MAP2K5: variants seen among roughly 807,000 people sequenced by gnomAD.
MAP2K5 encodes dual specificity mitogen-activated protein kinase kinase 5.
In MAP2K5, 49 loss-of-function variants were observed where a neutral mutation model predicts 83.1. The ratio of observed to expected loss-of-function variants is 0.59; its 90% CI spans 0.47 to 0.75. The LOEUF is 0.75. Among genes scored for constraint, MAP2K5 ranks in the 30% least tolerant of loss-of-function variants. The pLI, the probability that MAP2K5 is intolerant of heterozygous loss-of-function variation, is 0.00. For synonymous variants in MAP2K5, 202 were observed against 191.8 expected (o/e 1.05, Z -0.44); for missense variants, 457 against 557.5 (o/e 0.82, Z 1.82).
intron 1 of MAP2K5, chr15:67,546,338 A>C (rs561722107): frequency 1.3e-5 from 2 of 152,464 alleles, no homozygotes; most frequent in African/African-American, 4.8e-5. Context: ...CACAGGGGGA[A>C]AATACCTTGC....
Position 67,790,487 on chromosome 15 carries a change from G to A in MAP2K5, c.1243-16159G>A, listed in dbSNP as rs2241421. Among the ~76,000 whole-genome samples the A allele has an allele frequency of 0.39, 58,913 of 151,752 alleles. 12,204 individuals are homozygous for A. The highest frequency in any genetic ancestry group is 0.7 in the East Asian group (3,579 of 5,132). On this transcript the variant is annotated intron_variant, in intron 21 of 21. Coordinates refer to ENST00000178640, the MANE Select transcript of MAP2K5 (RefSeq NM_145160.3). This position sits in a 1 kb window ranked among gnomAD's most constrained non-coding sequence, Gnocchi z 4.6. ...GTCTGAGGGCACTGCCGTCTTGTCT[G>A]TAGGCTGTGCACAAGTGCAACAGTT...
At chr15:67,600,664 T>TTTTC in intron 7 of MAP2K5, 21 bp from the exon 8 acceptor site, 1 of 1,603,916 alleles carries the variant, frequency 6.2e-7, no homozygotes, top group Non-Finnish European at 8.5e-7. Flanking sequence ...CCCTTTTTGT[T>TTTTC]TTTCTTTCTT....
Position 67,563,457 on chromosome 15 carries a change from T to C in MAP2K5, c.252+107T>C, listed in dbSNP as rs2084779168. 7.2e-7 allele frequency: 1 copy of C among 1,386,356 alleles called. No homozygotes were observed. Among genetic ancestry groups the C allele is most frequent in the Non-Finnish European group, 9.7e-7 (1 of 1,035,612 alleles). 85.9% of individuals were successfully genotyped at this position (1,386,356 alleles called of 1,614,324 possible). A position where few individuals can be genotyped will look rare whatever the true frequency, so the allele number is the denominator to read the frequency against. ...GTAAATAAATCACAGTTGTCATACATTTTTCTATATAATAGGTAAAGGTTT... is the reference window on the plus strand; with the variant it reads ...GTAAATAAATCACAGTTGTCATACACTTTTCTATATAATAGGTAAAGGTTT... On this transcript the variant is annotated intron_variant, in intron 3 of 21. Transcript: ENST00000178640. This position sits in a 1 kb window ranked among gnomAD's most constrained non-coding sequence, Gnocchi z 4.5.
In MAP2K5 at chr15:67,577,126, G is replaced by T. The variant is rs932336863; in HGVS notation, c.253-3628G>T. 6.6e-6 allele frequency among the ~76,000 whole-genome samples: 1 copy of T among 151,250 alleles called. No individual in the cohort carries two copies. Reference sequence around the variant, plus strand: ...AATTTTTTGTATTTTTAGTAGAGACGGGGTTTCACCTTGTTAGCCGGGATG... The same window carrying T: ...AATTTTTTGTATTTTTAGTAGAGACTGGGTTTCACCTTGTTAGCCGGGATG... On this transcript the variant is annotated intron_variant, in intron 3 of 21. Coordinates refer to ENST00000178640, the MANE Select transcript of MAP2K5 (RefSeq NM_145160.3). The surrounding 1 kb of genome is among the most constrained non-coding windows in gnomAD (Gnocchi z 4.1).
intron 21 of MAP2K5, among the ~76,000 whole-genome samples, chr15:67,799,121 A>G (rs971298557): frequency 7.9e-5 from 12 of 152,266 alleles, no homozygotes; most frequent in Admixed American, 3.9e-4. Flanking sequence ...GTGAGCCGAG[A>G]TCGCGCCACT....
At chr15:67,623,886 C>T (rs576984487) in intron 8 of MAP2K5, among the ~76,000 whole-genome samples, 31 of 151,468 alleles carry the variant, frequency 2.0e-4, no homozygotes, top group African/African-American at 6.8e-4. Flanking sequence ...TGTGAGCCAC[C>T]GCCCCCGGCT....
At chr15:67,731,246 C>T (rs2141251340) in intron 17 of MAP2K5, among the ~76,000 whole-genome samples, 1 of 152,254 alleles carries the variant, frequency 6.6e-6, no homozygotes, top group African/African-American at 2.4e-5. Flanking sequence ...CTGCTGACAG[C>T]ATCATTAGCA....
chr15:67,728,018 T>C, intron 17 of MAP2K5, 73 bp downstream of exon 17: 1 of 1,234,496 alleles, frequency 8.1e-7, no homozygotes, highest in Non-Finnish European at 1.2e-6. Context: ...GGAGCAATTG[T>C]GAACATTTGA....
chr15:67,667,832 AC>A (rs1369432145), intron 13 of MAP2K5, among the ~76,000 whole-genome samples: 3 of 152,202 alleles, frequency 2.0e-5, no homozygotes, highest in African/African-American at 7.2e-5. Flanking sequence ...GTAGTATATT[AC>A]AGAATTTATT....
intron 8 of MAP2K5, among the ~76,000 whole-genome samples, chr15:67,617,828 C>G (rs1004866606): frequency 6.6e-6 from 1 of 152,064 alleles, no homozygotes; most frequent in Non-Finnish European, 1.5e-5. Context: ...GTAGCTGGGA[C>G]CACAGGCATG....
chr15:67,718,471 A>T lies in MAP2K5; in HGVS notation c.1045-9445A>T, dbSNP rs28620456. On this transcript the variant is annotated intron_variant, in intron 16 of 21. Coordinates refer to ENST00000178640, the MANE Select transcript of MAP2K5 (RefSeq NM_145160.3). Reference sequence around the variant, plus strand: ...AGTTAACTCTAATCATTTTTAAAAAATTTTTATGGGGGCTGGGTGCAGTGT... The same window carrying T: ...AGTTAACTCTAATCATTTTTAAAAATTTTTTATGGGGGCTGGGTGCAGTGT... Among the ~76,000 whole-genome samples the T allele has an allele frequency of 4.3e-4, 65 of 152,246 alleles. No individual in the cohort carries two copies. In the East Asian group the frequency reaches 0.011, roughly 25 times the overall value.
At chr15:67,547,907 A>G (rs1441206875) in intron 1 of MAP2K5, among the ~76,000 whole-genome samples, 1 of 152,220 alleles carries the variant, frequency 6.6e-6, no homozygotes, top group Non-Finnish European at 1.5e-5. Flanking sequence ...AGTAGATATT[A>G]CTGATGTTTA....
intron 17 of MAP2K5, among the ~76,000 whole-genome samples, chr15:67,742,738 G>A (rs531315437): frequency 3.9e-5 from 6 of 152,318 alleles, no homozygotes; most frequent in African/African-American, 1.4e-4. Context: ...ACAATTCTAA[G>A]CCCCTGCTTT....
At chr15:67,692,252 C>T (rs916970203) in intron 13 of MAP2K5, among the ~76,000 whole-genome samples, 4 of 152,164 alleles carry the variant, frequency 2.6e-5, no homozygotes, top group Non-Finnish European at 5.9e-5. Context: ...TTAAAATAAA[C>T]TCTTTCTTCT....
intron 19 of MAP2K5, among the ~76,000 whole-genome samples, chr15:67,751,361 A>G (rs1474600383): frequency 1.3e-5 from 2 of 152,314 alleles, no homozygotes; most frequent in South Asian, 4.1e-4. Context: ...TAGCTCAGGT[A>G]TAAGTGACAG....
intron 13 of MAP2K5, among the ~76,000 whole-genome samples, chr15:67,683,008 G>A (rs2087860062): frequency 6.6e-6 from 1 of 152,002 alleles, no homozygotes; most frequent in South Asian, 2.1e-4. Context: ...GGGCATGGTG[G>A]CAGTCTCCTG....
chr15:67,722,485 G>A lies in MAP2K5; in HGVS notation c.1045-5431G>A, dbSNP rs1404582839. On this transcript the variant is annotated intron_variant, in intron 16 of 21. Coordinates refer to ENST00000178640, the MANE Select transcript of MAP2K5 (RefSeq NM_145160.3). This position sits in a 1 kb window ranked among gnomAD's most constrained non-coding sequence, Gnocchi z 4.2. ...AGCACTTTAACACCGGTAAATTGCT[G>A]TTATATCCTTTGGATTGTTTTTAAA... Among the ~76,000 whole-genome samples the A allele has an allele frequency of 1.3e-5, 2 of 151,874 alleles. No individual in the cohort carries two copies. Among genetic ancestry groups the A allele is most frequent in the Non-Finnish European group, 2.9e-5 (2 of 68,012 alleles).
chr15:67,789,581 G>A (rs933189192), intron 21 of MAP2K5, among the ~76,000 whole-genome samples: 1 of 152,056 alleles, frequency 6.6e-6, no homozygotes, highest in African/African-American at 2.4e-5. Context: ...GGGTGTGGTG[G>A]GGGGACCCTG....
At chr15:67,564,807 A>G (rs1284427643) in intron 3 of MAP2K5, among the ~76,000 whole-genome samples, 2 of 152,222 alleles carry the variant, frequency 1.3e-5, no homozygotes, top group Non-Finnish European at 2.9e-5. Flanking sequence ...ATTTTCTCAC[A>G]TATGTCCATT....
Sources: allele counts gnomAD v4.1 joint callset (sites outside exome capture counted in the v4.1 genomes callset), GRCh38; gene constraint gnomAD v4.1.1; non-coding constraint Gnocchi (gnomAD v3.1); transcripts MANE v1.5; gene names NCBI Gene and HGNC (gene_info 2026-07-23, HGNC 2026-07-21).